DNMBP: variants seen among roughly 807,000 people sequenced by gnomAD.
DNMBP encodes the protein dynamin-binding protein.
A neutral mutation model predicts 150.0 loss-of-function variants in DNMBP; 87 were observed. That is an observed-to-expected ratio of 0.58 (90% confidence interval 0.49 to 0.69). The LOEUF (loss-of-function observed/expected upper bound fraction) is 0.69, where lower values mean the gene tolerates loss of function less well. Ranked by LOEUF, DNMBP falls within the 30% of genes least tolerant of loss-of-function variation. The probability of loss-of-function intolerance (pLI) is 0.00; values close to 1 mark genes in which losing one functional copy is unlikely to be tolerated. For synonymous variants in DNMBP, 711 were observed against 750.4 expected, an observed-to-expected ratio of 0.95 and a Z score of 0.86; for missense variants, 1,774 against 1,949.0, an observed-to-expected ratio of 0.91 and a Z score of 1.69.
chr10:99,978,813 G>A (rs528385182), intron 1 of DNMBP, among the ~76,000 whole-genome samples: 1 of 152,256 alleles, frequency 6.6e-6, no homozygotes, highest in African/African-American at 2.4e-5. Context: ...CAACTCAGGT[G>A]CTCTGCCCTC....
intron 4 of DNMBP, among the ~76,000 whole-genome samples, chr10:99,911,567 A>G (rs2039900117): frequency 6.6e-6 from 1 of 152,120 alleles, no homozygotes; most frequent in South Asian, 2.1e-4. Flanking sequence ...AGTTCATTAA[A>G]GAAAAAAAAA....
In DNMBP at chr10:99,926,390, TC is replaced by T. The variant is rs538068133; in HGVS notation, c.2261-17245del. On this transcript the variant is annotated intron_variant, in intron 4 of 16. Coordinates refer to ENST00000324109, the MANE Select transcript of DNMBP (RefSeq NM_015221.4). ...GCCTCGACCTGCCAGGCTCAAGTGA[TC>T]CTCCCACCTCAGCCTTCTGACAGAT... Among the ~76,000 whole-genome samples, 114 of 152,206 alleles carry T rather than the reference TC, an allele frequency of 7.5e-4. 1 individual carries two copies. The highest frequency in any genetic ancestry group is 6.8e-3 in the Middle Eastern group (2 of 294).
intron 6 of DNMBP, among the ~76,000 whole-genome samples, chr10:99,903,096 G>A (rs1335976143): frequency 3.7e-5 from 5 of 134,486 alleles, no homozygotes; most frequent in South Asian, 4.8e-4. Context: ...TACCACACCT[G>A]GGCAATTTTT....
chr10:99,932,525 C>G (rs7100160), intron 4 of DNMBP, among the ~76,000 whole-genome samples: 70,659 of 151,404 alleles, frequency 0.47, 17,489 homozygotes, highest in African/African-American at 0.63. Context: ...ATAAAATACT[C>G]TACGTGGTCA....
intron 11 of DNMBP, among the ~76,000 whole-genome samples, chr10:99,894,022 A>G (rs2039615811): frequency 1.3e-5 from 2 of 152,150 alleles, no homozygotes; most frequent in Non-Finnish European, 2.9e-5. Flanking sequence ...ATAAGATCAG[A>G]TATTCAGGCT....
At chr10:100,005,770 A>AC (rs1248419987) in intron 1 of DNMBP, among the ~76,000 whole-genome samples, 11 of 134,998 alleles carry the variant, frequency 8.1e-5, no homozygotes, top group Admixed American at 3.8e-4. Flanking sequence ...TCTCCAAAAA[A>AC]AAAAAAAAAA....
chr10:99,898,356 A>G, intron 8 of DNMBP, 71 bp from the exon 9 acceptor site: 1 of 1,368,164 alleles, frequency 7.3e-7, no homozygotes, highest in Non-Finnish European at 1.0e-6. Flanking sequence ...ACATCGTGAG[A>G]CCCCACCTTA....
chr10:99,889,142 G>A, intron 11 of DNMBP, 189 bp from the exon 12 acceptor site: 1 of 595,578 alleles, frequency 1.7e-6, no homozygotes, highest in South Asian at 2.3e-5. Flanking sequence ...ACAGAGAAAG[G>A]CTAAGACTTT....
chr10:100,008,743 G>A (rs1221909531), intron 1 of DNMBP, among the ~76,000 whole-genome samples: 1 of 152,154 alleles, frequency 6.6e-6, no homozygotes. Flanking sequence ...ATGGGTAGAG[G>A]ATAAACTAAC....
intron 15 of DNMBP, among the ~76,000 whole-genome samples, chr10:99,881,049 A>G (rs1304785920): frequency 6.6e-6 from 1 of 152,198 alleles, no homozygotes; most frequent in African/African-American, 2.4e-5. Flanking sequence ...AACATGGTGA[A>G]GCCCCGTCTC....
intron 4 of DNMBP, among the ~76,000 whole-genome samples, chr10:99,952,868 C>T (rs959636103): frequency 2.0e-5 from 3 of 152,062 alleles, no homozygotes; most frequent in African/African-American, 7.2e-5. Context: ...CATCTTGATC[C>T]AGGATCTCTG....
chr10:99,966,869 C>T (rs1002060790), intron 3 of DNMBP, among the ~76,000 whole-genome samples: 3 of 152,050 alleles, frequency 2.0e-5, no homozygotes, highest in African/African-American at 7.2e-5. Context: ...CAGCCTCAAC[C>T]TCCTGGGCTC....
At chr10:99,921,587 C>T (rs2040022854) in intron 4 of DNMBP, among the ~76,000 whole-genome samples, 1 of 151,946 alleles carries the variant, frequency 6.6e-6, no homozygotes, top group African/African-American at 2.4e-5. Context: ...GGTGTGGTGG[C>T]CCATGCCTGT....
chr10:99,969,038 A>G, intron 3 of DNMBP, 77 bp downstream of exon 3: 2 of 1,573,162 alleles, frequency 1.3e-6, no homozygotes, highest in South Asian at 1.1e-5. Flanking sequence ...CACAAATTCA[A>G]AAAGGATCTG....
intron 1 of DNMBP, among the ~76,000 whole-genome samples, chr10:99,980,459 A>G (rs1216644031): frequency 6.6e-6 from 1 of 151,994 alleles, no homozygotes; most frequent in Admixed American, 6.6e-5. Context: ...AAAAAAAAAA[A>G]AAAAGTTACA....
intron 1 of DNMBP, among the ~76,000 whole-genome samples, chr10:99,998,658 A>C (rs1164602912): frequency 2.6e-5 from 4 of 152,178 alleles, no homozygotes; most frequent in Non-Finnish European, 5.9e-5. Flanking sequence ...CAAACAAATC[A>C]ATTGTTTAAG....
At chr10:99,904,469 A>C (rs1274758568) in intron 6 of DNMBP, among the ~76,000 whole-genome samples, 6 of 152,034 alleles carry the variant, frequency 3.9e-5, no homozygotes, top group African/African-American at 1.4e-4. Flanking sequence ...TGGCTCCATA[A>C]GGCTTTAACT....
At chr10:99,902,605 C>T (rs1366303146) in intron 6 of DNMBP, among the ~76,000 whole-genome samples, 3 of 144,978 alleles carry the variant, frequency 2.1e-5, no homozygotes, top group Middle Eastern at 3.5e-3. Context: ...ACACCGCACC[C>T]GGCTGCCTCC....
At chr10:99,979,086 C>CT (rs2133363388) in intron 1 of DNMBP, among the ~76,000 whole-genome samples, 1 of 152,252 alleles carries the variant, frequency 6.6e-6, no homozygotes, top group African/African-American at 2.4e-5. Flanking sequence ...ATAATTCATA[C>CT]ATTCAATGAA....
Sources: gnomAD v4.1 joint callset for allele counts (sites outside exome capture counted in the v4.1 genomes callset) on GRCh38, gnomAD v4.1.1 for gene constraint, MANE v1.5 for transcripts, NCBI Gene and HGNC (gene_info 2026-07-23, HGNC 2026-07-21) for gene names.